UNC79: variants seen among roughly 807,000 people sequenced by gnomAD.
The protein encoded by UNC79 is unc-79 subunit of NALCN channel complex.
In UNC79, 37 loss-of-function variants were observed where a neutral mutation model predicts 283.1. The ratio of observed to expected loss-of-function variants is 0.13; its 90% CI spans 0.10 to 0.17. The LOEUF (loss-of-function observed/expected upper bound fraction) is 0.17. Among genes scored for constraint, UNC79 ranks in the 10% least tolerant of loss-of-function variants. The probability of loss-of-function intolerance (pLI) is 1.00; values close to 1 mark genes in which losing one functional copy is unlikely to be tolerated. For missense variants in UNC79, 2,272 were observed against 3,211.1 expected (o/e 0.71, Z 7.07); for synonymous variants, 1,107 against 1,200.2 (o/e 0.92, Z 1.61).
At chr14:93,379,191 T>G (rs953022886) in intron 1 of UNC79, among the ~76,000 whole-genome samples, 2 of 152,180 alleles carry the variant, frequency 1.3e-5, no homozygotes, top group Non-Finnish European at 2.9e-5. Flanking sequence ...GATATTCCTC[T>G]TATTACTCCA....
chr14:93,448,636 T>C (rs1010822849), intron 1 of UNC79, among the ~76,000 whole-genome samples: 1 of 152,214 alleles, frequency 6.6e-6, no homozygotes, highest in Non-Finnish European at 1.5e-5. Flanking sequence ...GGTCTACTAT[T>C]TCCCACCGAT....
intron 1 of UNC79, among the ~76,000 whole-genome samples, chr14:93,385,295 C>A (rs1407093372): frequency 6.6e-6 from 1 of 152,104 alleles, no homozygotes; most frequent in African/African-American, 2.4e-5. Context: ...TTCTTCCAAT[C>A]CATAAACATG....
chr14:93,581,492 T>C (rs2063804027), intron 19 of UNC79, among the ~76,000 whole-genome samples: 1 of 131,214 alleles, frequency 7.6e-6, no homozygotes, highest in Non-Finnish European at 1.7e-5. Context: ...ATCTTTTTTT[T>C]TTTTTTTTTT....
intron 26 of UNC79, among the ~76,000 whole-genome samples, chr14:93,609,333 C>T (rs758947628): frequency 5.8e-4 from 88 of 152,070 alleles, no homozygotes; most frequent in Non-Finnish European, 6.2e-4. Flanking sequence ...TTGACCATTT[C>T]GGGTGAAATA....
chr14:93,521,109 G>A (rs532264614), intron 7 of UNC79, among the ~76,000 whole-genome samples: 1 of 152,098 alleles, frequency 6.6e-6, no homozygotes, highest in Admixed American at 6.5e-5. Flanking sequence ...TTGTTAGAAT[G>A]AGCCTAGAGT....
At chr14:93,537,745 C>T (rs2061162161) in intron 11 of UNC79, among the ~76,000 whole-genome samples, 1 of 152,152 alleles carries the variant, frequency 6.6e-6, no homozygotes, top group African/African-American at 2.4e-5. Flanking sequence ...CAGGGCTTCC[C>T]AACACAATGC....
chr14:93,682,676 G>T, exon 42 of UNC79: 1 of 1,614,028 alleles, frequency 6.2e-7, no homozygotes, highest in East Asian at 2.2e-5. Context: ...GCAAGCAGAT[G>T]ATAGCCTCTG....
chr14:93,551,230 T>A (rs1288918560), intron 14 of UNC79, among the ~76,000 whole-genome samples: 1 of 152,132 alleles, frequency 6.6e-6, no homozygotes, highest in African/African-American at 2.4e-5. Flanking sequence ...TCTGTATTTT[T>A]AGTAGAGACG....
intron 15 of UNC79, 92 bp from the exon 16 acceptor site, chr14:93,572,601 C>G (rs1379628787): frequency 4.5e-6 from 7 of 1,554,024 alleles, no homozygotes; most frequent in Non-Finnish European, 6.1e-6. Context: ...GCTTGGCTCT[C>G]CAAATAGGGA....
intron 40 of UNC79, among the ~76,000 whole-genome samples, chr14:93,663,876 C>A (rs2071867508): frequency 6.6e-6 from 1 of 151,708 alleles, no homozygotes; most frequent in South Asian, 2.1e-4. Context: ...TAAATTATAC[C>A]TTTTTTGGGG....
chr14:93,363,864 G>A (rs561747409), intron 1 of UNC79, among the ~76,000 whole-genome samples: 5 of 152,034 alleles, frequency 3.3e-5, no homozygotes, highest in South Asian at 4.2e-4. Context: ...GACTACAGGC[G>A]CCTGCCACCA....
chr14:93,539,557 A>G (rs1012137735), intron 12 of UNC79, among the ~76,000 whole-genome samples: 28 of 152,068 alleles, frequency 1.8e-4, no homozygotes, highest in African/African-American at 5.8e-4. Context: ...TAATATTAGA[A>G]TCTAAGTGTT....
rs2054901487 is a variant in UNC79 at position 93,392,340 on chromosome 14, G to C, written c.-351+58817G>C. On this transcript the variant is annotated intron_variant, in intron 1 of 49. Transcript: ENST00000256339. Reference sequence around the variant, plus strand: ...AAGACCAAAAGAACATATACCGTGTGCTTTTATTTATTTAATGTTAAAAAA... The same window carrying C: ...AAGACCAAAAGAACATATACCGTGTCCTTTTATTTATTTAATGTTAAAAAA... Among the ~76,000 whole-genome samples, 4 of 152,236 alleles carry C rather than the reference G, an allele frequency of 2.6e-5. No homozygotes were observed. In the South Asian group the frequency reaches 8.3e-4, roughly 32 times the overall value.
intron 10 of UNC79, among the ~76,000 whole-genome samples, chr14:93,529,657 TACTA>T (rs1407776331): frequency 6.6e-6 from 1 of 152,170 alleles, no homozygotes; most frequent in Non-Finnish European, 1.5e-5. Flanking sequence ...CACCAGGTCT[TACTA>T]AGGAGAAGAA....
chr14:93,503,840 CCTAT>C (rs1321000476), intron 7 of UNC79, among the ~76,000 whole-genome samples: 1 of 151,786 alleles, frequency 6.6e-6, no homozygotes, highest in African/African-American at 2.4e-5. Context: ...CTTTTCATGT[CCTAT>C]CTAAGAAAAT....
At chr14:93,610,428 G>A (rs1388267003) in intron 26 of UNC79, among the ~76,000 whole-genome samples, 1 of 152,144 alleles carries the variant, frequency 6.6e-6, no homozygotes, top group Non-Finnish European at 1.5e-5. Context: ...GCTAAAAGGA[G>A]TTGAAGATTG....
chr14:93,662,753 A>C (rs755060474), intron 40 of UNC79, 39 bp downstream of exon 43: 1 of 1,468,644 alleles, frequency 6.8e-7, no homozygotes, highest in Non-Finnish European at 9.4e-7. Flanking sequence ...GTGAAACTGA[A>C]AACTGGCAGA....
intron 1 of UNC79, among the ~76,000 whole-genome samples, chr14:93,443,658 C>T (rs1307500603): frequency 4.6e-5 from 7 of 152,018 alleles, no homozygotes; most frequent in African/African-American, 1.2e-4. Flanking sequence ...CTCCTGACCT[C>T]GTGATCCACC....
chr14:93,429,015 A>G (rs1466370293), upstream of UNC79, among the ~76,000 whole-genome samples: 1 of 152,200 alleles, frequency 6.6e-6, no homozygotes, highest in African/African-American at 2.4e-5. Context: ...TTTCCAACAC[A>G]TACTTTGTCC....
Sources: allele counts gnomAD v4.1 joint callset (sites outside exome capture counted in the v4.1 genomes callset), GRCh38; gene constraint gnomAD v4.1.1; transcripts MANE v1.5; gene names NCBI Gene and HGNC (gene_info 2026-07-23, HGNC 2026-07-21).